Variants in SPTBN5 observed in about 807,000 individuals in gnomAD.
SPTBN5 encodes the protein spectrin beta chain, non-erythrocytic 5.
In SPTBN5, 513 loss-of-function variants were observed where a neutral mutation model predicts 477.6. The ratio of observed to expected loss-of-function variants is 1.07; its 90% CI spans 1.00 to 1.16. SPTBN5 has a LOEUF of 1.16. SPTBN5 is among the 50% of genes most tolerant of loss of function. The pLI, the probability that SPTBN5 is intolerant of heterozygous loss-of-function variation, is 0.00. For missense variants in SPTBN5, 5,062 were observed against 4,731.8 expected (o/e 1.07, Z -2.05); for synonymous variants, 2,169 against 2,011.7 (o/e 1.08, Z -2.09).
chr15:41,850,527 C>T (rs1408597686), intron 66 of SPTBN5: 4 of 348,118 alleles, frequency 1.1e-5, no homozygotes, highest in East Asian at 5.3e-5. Context: ...CCTGGAAAGC[C>T]CTTGGAGGAA....
chr15:41,883,083 G>A lies in SPTBN5; in HGVS notation c.1805C>T (p.Ser602Phe), dbSNP rs779999242. The change falls in exon 9 of 68, where the codon TCC (serine) becomes TTC (phenylalanine). Residue 602 changes from serine to phenylalanine, a missense_variant. Coordinates refer to ENST00000320955, the MANE Select transcript of SPTBN5 (RefSeq NM_016642.4). Reference sequence around the variant, plus strand: ...CAGCACCTCCACACTGGTGCCCAGGGAGGAGTCCAGCTCTGCTGTCTGCTG... The same window carrying A: ...CAGCACCTCCACACTGGTGCCCAGGAAGGAGTCCAGCTCTGCTGTCTGCTG... ...LAQQTAELDS[S>F]LGTSVEVLQA... The A allele has an allele frequency of 6.2e-6, 10 of 1,600,046 alleles. No individual in the cohort carries two copies. In the East Asian group the frequency reaches 1.8e-4, roughly 29 times the overall value.
chr15:41,880,679 G>C (rs552301158), intron 13 of SPTBN5, among the ~76,000 whole-genome samples: 2 of 152,132 alleles, frequency 1.3e-5, no homozygotes, highest in African/African-American at 2.4e-5. Context: ...CCTCCCCAGC[G>C]TCTGTGCTGC....
At position 41,852,623 on chromosome 15, in the gene SPTBN5, G is replaced by A. The variant is rs2065803427; in HGVS notation, c.10449+11C>T. ...CACCAGCCCTCAGCCCCTAGCCGAG[G>A]CAGTCGTCACCTCTGTCTTTTGCAT... is the stretch of plus-strand genomic sequence containing the variant. On this transcript the variant is annotated intron_variant, in intron 61 of 67. Coordinates refer to ENST00000320955, the MANE Select transcript of SPTBN5 (RefSeq NM_016642.4). 1 of 1,612,676 alleles carries A rather than the reference G, an allele frequency of 6.2e-7. No homozygotes were observed. The highest frequency in any genetic ancestry group is 1.7e-5 in the Admixed American group (1 of 60,006).
intron 39 of SPTBN5, among the ~76,000 whole-genome samples, chr15:41,864,622 T>G (rs1411472895): frequency 1.3e-5 from 2 of 152,194 alleles, no homozygotes; most frequent in Admixed American, 6.5e-5. Context: ...CCACAGAAAC[T>G]TTTAAAATGA....
chr15:41,848,352 G>C lies in SPTBN5; in HGVS notation c.*264C>G. The C allele has an allele frequency of 3.5e-6, 2 of 569,882 alleles. No individual in the cohort carries two copies. Among genetic ancestry groups the C allele is most frequent in the South Asian group, 2.0e-5 (1 of 49,818 alleles). 35.3% of individuals were successfully genotyped at this position (569,882 alleles called of 1,614,324 possible). A position where few individuals can be genotyped will look rare whatever the true frequency, so the allele number is the denominator to read the frequency against. On this transcript the variant is annotated 3_prime_UTR_variant, in exon 68 of 68. Coordinates refer to ENST00000320955, the MANE Select transcript of SPTBN5 (RefSeq NM_016642.4). ...GGCCACATGGGCCTGGGGTAGCCCTGGCCTTGCCCACCTGCTCTGCCGTAA... is the reference window on the plus strand; with the variant it reads ...GGCCACATGGGCCTGGGGTAGCCCTCGCCTTGCCCACCTGCTCTGCCGTAA...
rs777111950 is a variant in SPTBN5 at position 41,867,096 on chromosome 15, G to C, written c.6343C>G (p.Leu2115Val). Reference sequence around the variant, plus strand: ...CGGTCCCGCACCCGGGGGCGCCGGAGCGTCTTCAGCCGCTCACGCAGGGCT... The same window carrying C: ...CGGTCCCGCACCCGGGGGCGCCGGACCGTCTTCAGCCGCTCACGCAGGGCT... ...EAALRERLKT[L>V]RRPRVRDRLP... Residue 2115 changes from leucine (L) to valine (V), a missense_variant, in exon 36 of 68, where the codon CTC becomes GTC. Physicochemically the swap from Leu to Val is conservative, Grantham distance 32 (BLOSUM62 1). Coordinates refer to ENST00000320955, the MANE Select transcript of SPTBN5 (RefSeq NM_016642.4). 3.9e-6 allele frequency: 6 copies of C among 1,541,802 alleles called. No homozygotes were observed. The African/African-American group carries it at 6.9e-5, about 18-fold the overall frequency.
At position 41,857,044 on chromosome 15, in the gene SPTBN5, A is replaced by G; in HGVS notation, c.8622-5T>C. On this transcript the variant is annotated splice_polypyrimidine_tract_variant and splice_region_variant and intron_variant, in intron 51 of 67. Transcript: ENST00000320955. Reference sequence around the variant, plus strand: ...GGCTCCCTCAGGCTCTTGAACCTGCAGCGGTGGAGGGTGGGACCAAGGGAG... The same window carrying G: ...GGCTCCCTCAGGCTCTTGAACCTGCGGCGGTGGAGGGTGGGACCAAGGGAG... 1 of 1,599,048 alleles carries G rather than the reference A, an allele frequency of 6.3e-7. No homozygotes were observed. The highest frequency in any genetic ancestry group is 1.3e-5 in the African/African-American group (1 of 74,794).
rs757592027 is a variant in SPTBN5 at position 41,878,385 on chromosome 15, C to T, written c.3427G>A (p.Glu1143Lys). ...ATCTCCTCCAGCAGGTCTTGGTGCTCCCTCAGCAGCCGCTGAGCCGAGGCC... is the reference window on the plus strand; with the variant it reads ...ATCTCCTCCAGCAGGTCTTGGTGCTTCCTCAGCAGCCGCTGAGCCGAGGCC... ...DVASAQRLLR[E>K]HQDLLEEIHL... Residue 1143 changes from glutamate (E) to lysine (K), a missense_variant, in exon 17 of 68, where the codon GAG becomes AAG. Physicochemically the swap from Glu to Lys is moderately conservative, Grantham distance 56 (BLOSUM62 1). Transcript: ENST00000320955. 1 of 1,613,730 alleles carries T rather than the reference C, an allele frequency of 6.2e-7. No homozygotes were observed. Among genetic ancestry groups the T allele is most frequent in the Non-Finnish European group, 8.5e-7 (1 of 1,179,888 alleles).
chr15:41,883,007 A>G lies in SPTBN5; in HGVS notation c.1881T>C (p.Leu627=). 1 of 1,543,822 alleles carries G rather than the reference A, an allele frequency of 6.5e-7. No individual in the cohort carries two copies. The highest frequency in any genetic ancestry group is 8.7e-7 in the Non-Finnish European group (1 of 1,148,468). The change falls in exon 9 of 68, where the codon CTT becomes CTC. Residue 627 remains leucine, a synonymous_variant. Transcript: ENST00000320955. ...LAQLQQSLVA[L]VRARRALLEQ... ...GGGCAGGCTCTTACCGGGCCCTGACAAGAGCCACCAGGCTCTGTTGGAGCT... is the reference window on the plus strand; with the variant it reads ...GGGCAGGCTCTTACCGGGCCCTGACGAGAGCCACCAGGCTCTGTTGGAGCT...
Position 41,876,915 on chromosome 15 carries a change from G to C in SPTBN5, c.3745C>G (p.Gln1249Glu), listed in dbSNP as rs769638283. The change falls in exon 19 of 68, where the codon CAG becomes GAG. Residue 1249 changes from glutamine to glutamate, a missense_variant. Coordinates refer to ENST00000320955, the MANE Select transcript of SPTBN5 (RefSeq NM_016642.4). The part of the protein sequence containing the change: ...DVREALSLLQ[Q>E]HREFGRLLST... ...AGGAGCCGCCCAAACTCCCGGTGCT[G>C]CTGCAGCAGGCTCAGGGCCTCCCTC... 1 of 1,609,832 alleles carries C rather than the reference G, an allele frequency of 6.2e-7. No homozygotes were observed. The highest frequency in any genetic ancestry group is 8.5e-7 in the Non-Finnish European group (1 of 1,179,436).
In SPTBN5 at chr15:41,883,147, G is replaced by C. The variant is rs1450774661; in HGVS notation, c.1741C>G (p.Gln581Glu). Residue 581 changes from glutamine (Q) to glutamate (E), a missense_variant, in exon 9 of 68, where the codon CAA (glutamine) becomes GAA (glutamate). Coordinates refer to ENST00000320955, the MANE Select transcript of SPTBN5 (RefSeq NM_016642.4). ...ACATGGGCTCCGTGGGCCGAGACTT[G>C]AGCCTCCAGCAGGTCATGCCTCTGC... ...LLQRHDLLEA[Q>E]VSAHGAHVSH... The C allele has an allele frequency of 1.2e-6, 2 of 1,612,780 alleles. No individual in the cohort carries two copies. Among genetic ancestry groups the C allele is most frequent in the Non-Finnish European group, 1.7e-6 (2 of 1,179,766 alleles).
At chr15:41,890,349 G>C (rs1180631172) in intron 3 of SPTBN5, 144 bp from the exon 4 acceptor site, 7 of 646,852 alleles carry the variant, frequency 1.1e-5, no homozygotes, top group Non-Finnish European at 2.0e-5. Flanking sequence ...GGGAGAAGCA[G>C]GCAGGGGATA....
At chr15:41,857,071 C>T in intron 51 of SPTBN5, 32 bp from the exon 52 acceptor site, 1 of 1,577,942 alleles carries the variant, frequency 6.3e-7, no homozygotes, top group Non-Finnish European at 8.6e-7. Context: ...CCAAGGGAGG[C>T]AGGGACCAGG....
intron 52 of SPTBN5, 89 bp downstream of exon 52, chr15:41,856,764 G>C: frequency 5.0e-6 from 7 of 1,408,746 alleles, no homozygotes; most frequent in Non-Finnish European, 6.7e-6. Flanking sequence ...CAGGCAGAGA[G>C]TTCCTGGCTG....
chr15:41,881,998 CCGCGAAGGCGCGCAGGA>C lies in SPTBN5; in HGVS notation c.2378_2394del (p.Val793GlyfsTer41). ...TGCTCCTCCAGCCGCCGCAGCTCGG[CCGCGAAGGCGCGCAGGA>C]CGCGCTCCAGCCGCACGTGGCGCCT... On this transcript the variant is annotated frameshift_variant, in exon 12 of 68. Transcript: ENST00000320955. LOFTEE classifies it high-confidence loss of function. 1.3e-6 allele frequency: 2 copies of C among 1,536,922 alleles called. No individual in the cohort carries two copies. Among genetic ancestry groups the C allele is most frequent in the South Asian group, 2.4e-5 (2 of 84,232 alleles).
chr15:41,866,992 C>T lies in SPTBN5; in HGVS notation c.6447G>A (p.Leu2149=). 6.4e-7 allele frequency: 1 copy of T among 1,570,390 alleles called. No homozygotes were observed. The highest frequency in any genetic ancestry group is 8.6e-7 in the Non-Finnish European group (1 of 1,158,176). ...ESRGHALHAS[L]LMASFTQAAT... ...CGGCCTGGGTGAAGCTGGCCATCAG[C>T]AGGGAGGCATGCAGGGCGTGTCCCC... The change falls in exon 36 of 68, where the codon CTG becomes CTA. Residue 2149 remains leucine (L), a synonymous_variant. Coordinates refer to ENST00000320955, the MANE Select transcript of SPTBN5 (RefSeq NM_016642.4).
intron 15 of SPTBN5, 89 bp downstream of exon 15, chr15:41,879,645 A>G (rs920139422): frequency 2.9e-5 from 47 of 1,594,388 alleles, no homozygotes; most frequent in African/African-American, 2.7e-5. Context: ...CAGCCTCTCC[A>G]TCTGGCATGG....
At chr15:41,893,629 T>A in intron 1 of SPTBN5, 83 bp from the exon 2 acceptor site, 1 of 1,424,566 alleles carries the variant, frequency 7.0e-7, no homozygotes, top group South Asian at 1.5e-5. Flanking sequence ...TGCCAGACTG[T>A]CCTCACATTT....
intron 11 of SPTBN5, 37 bp downstream of exon 11, chr15:41,882,232 G>GCC: frequency 7.2e-6 from 9 of 1,254,082 alleles, no homozygotes; most frequent in Non-Finnish European, 9.5e-6. Context: ...GCCTCGCCGG[G>GCC]CCCCGCCCCC....
Sources: allele counts gnomAD v4.1 joint callset (sites outside exome capture counted in the v4.1 genomes callset), GRCh38; gene constraint gnomAD v4.1.1; transcripts MANE v1.5; gene names NCBI Gene and HGNC (gene_info 2026-07-23, HGNC 2026-07-21).